PGM2L1: variants seen among roughly 807,000 people sequenced by gnomAD.
The protein encoded by PGM2L1 is phosphoglucomutase 2 like 1.
A neutral mutation model predicts 73.4 loss-of-function variants in PGM2L1; 35 were observed. The ratio of observed to expected loss-of-function variants is 0.48; its 90% CI spans 0.36 to 0.63. The LOEUF (loss-of-function observed/expected upper bound fraction) is 0.63. PGM2L1 is among the 30% of genes least tolerant of loss of function. PGM2L1 has a pLI of 0.00. For missense variants in PGM2L1, 570 were observed against 742.0 expected, an observed-to-expected ratio of 0.77 and a Z score of 2.69; for synonymous variants, 225 against 253.8, an observed-to-expected ratio of 0.89 and a Z score of 1.08.
rs964698603 is a variant in PGM2L1, at chr11:74,331,008, A to G, written c.*5644T>C. 6.6e-6 allele frequency: 1 copy of G among 152,164 alleles called. No homozygotes were observed. The highest frequency in any genetic ancestry group is 1.5e-5 in the Non-Finnish European group (1 of 68,020). 9.4% of individuals were successfully genotyped at this position (152,164 alleles called of 1,614,324 possible). A position where few individuals can be genotyped will look rare whatever the true frequency, so the allele number is the denominator to read the frequency against. The stretch of plus-strand genomic sequence containing the variant: ...TTGATTGTTCCTTAAACTATTTGCT[A>G]CTTTTAAAAAATCCCTTAATTCCTA... On this transcript the variant is annotated 3_prime_UTR_variant, in exon 14 of 14. Coordinates refer to ENST00000298198, the MANE Select transcript of PGM2L1 (RefSeq NM_173582.6).
intron 1 of PGM2L1, among the ~76,000 whole-genome samples, chr11:74,376,776 GA>G (rs889238373): frequency 6.6e-6 from 1 of 151,894 alleles, no homozygotes; most frequent in Non-Finnish European, 1.5e-5. Flanking sequence ...CCTGGTTGTT[GA>G]AAAACTGGTA....
Position 74,333,237 on chromosome 11 carries a change from A to G in PGM2L1, c.*3415T>C, listed in dbSNP as rs1487280407. 6.6e-6 allele frequency: 1 copy of G among 152,196 alleles called. No homozygotes were observed. The highest frequency in any genetic ancestry group is 2.4e-5 in the African/African-American group (1 of 41,464). 9.4% of individuals were successfully genotyped at this position (152,196 alleles called of 1,614,324 possible). Reference sequence around the variant, plus strand: ...TAGAAGATATTATGAAGATTTCTCAAGAAGTTCCTAAATCTTAAACTTTCC... The same window carrying G: ...TAGAAGATATTATGAAGATTTCTCAGGAAGTTCCTAAATCTTAAACTTTCC... On this transcript the variant is annotated 3_prime_UTR_variant, in exon 14 of 14. Coordinates refer to ENST00000298198, the MANE Select transcript of PGM2L1 (RefSeq NM_173582.6).
At chr11:74,365,305 G>A (rs1591180860) in intron 5 of PGM2L1, among the ~76,000 whole-genome samples, 1 of 151,642 alleles carries the variant, frequency 6.6e-6, no homozygotes, top group East Asian at 1.9e-4. Context: ...ATAGGCATGG[G>A]CAAGGACTTC....
At chr11:74,382,159 C>T (rs1357472667) in intron 1 of PGM2L1, among the ~76,000 whole-genome samples, 1 of 152,160 alleles carries the variant, frequency 6.6e-6, no homozygotes, top group Non-Finnish European at 1.5e-5. Context: ...TAGTAAAAAA[C>T]CACTCTAAAC....
intron 5 of PGM2L1, among the ~76,000 whole-genome samples, chr11:74,363,136 C>G (rs1467364824): frequency 6.6e-6 from 1 of 152,210 alleles, no homozygotes; most frequent in Non-Finnish European, 1.5e-5. Flanking sequence ...TCCTGAATGA[C>G]TACTGGGTAC....
chr11:74,355,414 C>T (rs950960830), intron 5 of PGM2L1: 15 of 523,626 alleles, frequency 2.9e-5, no homozygotes, highest in African/African-American at 5.8e-5. Flanking sequence ...ATTAGCCGGG[C>T]GTGGTAGCGG....
intron 5 of PGM2L1, among the ~76,000 whole-genome samples, chr11:74,358,096 G>A (rs753898687): frequency 3.3e-5 from 5 of 152,174 alleles, no homozygotes; most frequent in Admixed American, 1.3e-4. Context: ...TGGTGGATAC[G>A]TGTCATTATT....
chr11:74,369,590 C>T (rs578045310), intron 4 of PGM2L1, among the ~76,000 whole-genome samples: 1 of 152,188 alleles, frequency 6.6e-6, no homozygotes, highest in South Asian at 2.1e-4. Context: ...AGATATTTCA[C>T]GACATTGAAA....
chr11:74,373,896 C>T (rs1364770125), intron 2 of PGM2L1, among the ~76,000 whole-genome samples: 3 of 152,094 alleles, frequency 2.0e-5, no homozygotes, highest in Admixed American at 6.6e-5. Context: ...GAAAGTCAGT[C>T]TGTGACCATG....
rs1863080924 is a variant in PGM2L1, at chr11:74,390,231, T to C, written c.111+7820A>G. On this transcript the variant is annotated intron_variant, in intron 1 of 13. Coordinates refer to ENST00000298198, the MANE Select transcript of PGM2L1 (RefSeq NM_173582.6). ...TAACAAACAGAAGTGCTAGTCTACC[T>C]ATTTTGAAAACTGTCAGGTGAGACA... Among the ~76,000 whole-genome samples the C allele has an allele frequency of 2.0e-5, 3 of 150,760 alleles. No homozygotes were observed. In the South Asian group the frequency reaches 6.3e-4, roughly 32 times the overall value.
At chr11:74,371,334 C>T (rs972275893) in intron 3 of PGM2L1, among the ~76,000 whole-genome samples, 6 of 151,986 alleles carry the variant, frequency 3.9e-5, no homozygotes, top group African/African-American at 1.4e-4. Flanking sequence ...TGCATTATTA[C>T]CCCTGAAGAA....
At chr11:74,392,104 A>T (rs1863111359) in intron 1 of PGM2L1, among the ~76,000 whole-genome samples, 2 of 152,204 alleles carry the variant, frequency 1.3e-5, no homozygotes, top group African/African-American at 2.4e-5. Flanking sequence ...ATACATCAAG[A>T]AATAGTGCTT....
rs973080165 is a variant in PGM2L1 at position 74,360,288 on chromosome 11, G to A, written c.555+8204C>T. ...AAGAGAAAGAGAAGGAAGGAAGGGA[G>A]GGAGGTAGGGAGGGAGGTAGGGACG... On this transcript the variant is annotated intron_variant, in intron 5 of 13. Transcript: ENST00000298198. Among the ~76,000 whole-genome samples the A allele has an allele frequency of 8.0e-4, 120 of 150,398 alleles. 3 individuals are homozygous for A. The highest frequency in any genetic ancestry group is 2.8e-3 in the African/African-American group (116 of 40,964).
intron 10 of PGM2L1, 148 bp from the exon 11 acceptor site, chr11:74,343,162 G>A (rs954200744): frequency 9.8e-6 from 13 of 1,323,668 alleles, no homozygotes; most frequent in African/African-American, 6.0e-5. Flanking sequence ...GGACACTTTC[G>A]TTCTTTTTTT....
chr11:74,351,303 A>T (rs552876258), intron 6 of PGM2L1, 80 bp downstream of exon 6: 74 of 1,335,820 alleles, frequency 5.5e-5, no homozygotes, highest in Non-Finnish European at 7.2e-5. Context: ...TAAATAGACA[A>T]CACTTTTTAT....
Position 74,398,100 on chromosome 11 carries a change from C to T in PGM2L1, c.62G>A (p.Gly21Glu). The T allele has an allele frequency of 6.2e-7, 1 of 1,612,954 alleles. No individual in the cohort carries two copies. Among genetic ancestry groups the T allele is most frequent in the Non-Finnish European group, 8.5e-7 (1 of 1,179,288 alleles). Residue 21 changes from glycine to glutamate, a missense_variant, in exon 1 of 14, where the codon GGG becomes GAG. Coordinates refer to ENST00000298198, the MANE Select transcript of PGM2L1 (RefSeq NM_173582.6). ...SNLLHAPYHT[G>E]DPQLDTAIGQ... ...GATGGCCGTGTCCAGCTGAGGGTCC[C>T]CGGTGTGGTAGGGGGCGTGGAGCAG...
chr11:74,352,883 C>T (rs1237398484), intron 5 of PGM2L1, among the ~76,000 whole-genome samples: 2 of 152,058 alleles, frequency 1.3e-5, no homozygotes, highest in Admixed American at 6.6e-5. Flanking sequence ...ATTGTAATGC[C>T]CATGTGCAAG....
At chr11:74,348,637 C>A (rs1489721898) in intron 6 of PGM2L1, among the ~76,000 whole-genome samples, 1 of 152,122 alleles carries the variant, frequency 6.6e-6, no homozygotes, top group African/African-American at 2.4e-5. Flanking sequence ...AGGACCTGAA[C>A]GAGGTTCCAT....
chr11:74,389,811 T>C (rs1303852764), intron 1 of PGM2L1, among the ~76,000 whole-genome samples: 2 of 149,112 alleles, frequency 1.3e-5, no homozygotes, highest in Non-Finnish European at 3.0e-5. Flanking sequence ...TGTAGAAAAC[T>C]TGAAGGAACT....
Sources: gnomAD v4.1 joint callset for allele counts (sites outside exome capture counted in the v4.1 genomes callset) on GRCh38, gnomAD v4.1.1 for gene constraint, MANE v1.5 for transcripts, NCBI Gene and HGNC (gene_info 2026-07-23, HGNC 2026-07-21) for gene names.